TMEM45A: variants seen among roughly 807,000 people sequenced by gnomAD.
TMEM45A encodes the protein transmembrane protein 45A.
In TMEM45A, 25 loss-of-function variants were observed where a neutral mutation model predicts 32.0. The observed-to-expected ratio is 0.78, with a 90% CI of 0.57 to 1.09. TMEM45A has a LOEUF of 1.09. TMEM45A is among the 50% of genes least tolerant of loss of function. The pLI, the probability that TMEM45A is intolerant of heterozygous loss-of-function variation, is 0.00. For synonymous variants in TMEM45A, 122 were observed against 114.8 expected, an observed-to-expected ratio of 1.06 and a Z score of -0.40; for missense variants, 302 against 325.0, an observed-to-expected ratio of 0.93 and a Z score of 0.54.
At chr3:100,549,815 G>T (rs531288812) in intron 1 of TMEM45A, among the ~76,000 whole-genome samples, 1 of 151,660 alleles carries the variant, frequency 6.6e-6, no homozygotes, top group Non-Finnish European at 1.5e-5. Flanking sequence ...GAGAATATGC[G>T]GTGTTTGGTT....
chr3:100,535,614 T>G (rs1407307766), intron 1 of TMEM45A, among the ~76,000 whole-genome samples: 18 of 152,230 alleles, frequency 1.2e-4, no homozygotes, highest in Admixed American at 1.2e-3. Context: ...AGGGGAGATA[T>G]TCTAGACCTT....
intron 1 of TMEM45A, among the ~76,000 whole-genome samples, chr3:100,538,460 T>C (rs1260912002): frequency 6.6e-6 from 1 of 152,230 alleles, no homozygotes; most frequent in Non-Finnish European, 1.5e-5. Context: ...CATCATACTT[T>C]AGTGGTGAGA....
intron 1 of TMEM45A, among the ~76,000 whole-genome samples, chr3:100,495,554 G>C (rs1707912903): frequency 6.6e-6 from 1 of 152,188 alleles, no homozygotes; most frequent in African/African-American, 2.4e-5. Context: ...TTGGGAGGTA[G>C]ATTGGTGGGG....
In TMEM45A at chr3:100,565,126, G is replaced by A. The variant is rs150057132; in HGVS notation, c.589-3696G>A. Among the ~76,000 whole-genome samples the A allele has an allele frequency of 3.5e-3, 534 of 152,302 alleles. 5 individuals carry two copies. The highest frequency in any genetic ancestry group is 5.3e-3 in the Non-Finnish European group (361 of 68,026). ...GTTCAGCCATTTTGTAATACTAGGGGAAGTTGTTGAAGTCCTTGAGTTCCA... is the reference window on the plus strand; with the variant it reads ...GTTCAGCCATTTTGTAATACTAGGGAAAGTTGTTGAAGTCCTTGAGTTCCA... On this transcript the variant is annotated intron_variant, in intron 4 of 5. Coordinates refer to ENST00000323523, the MANE Select transcript of TMEM45A (RefSeq NM_018004.3).
intron 4 of TMEM45A, among the ~76,000 whole-genome samples, chr3:100,562,358 C>T (rs1208179770): frequency 2.0e-5 from 3 of 152,008 alleles, no homozygotes; most frequent in East Asian, 1.9e-4. Flanking sequence ...CTAATTTATT[C>T]GTGTTTGGCC....
Position 100,525,044 on chromosome 3 carries a change from C to T in TMEM45A, c.-3-30165C>T, listed in dbSNP as rs569090256. On this transcript the variant is annotated intron_variant, in intron 1 of 5. Transcript: ENST00000323523. ...TCTTTAAAAAAATAAAAAAATTAGC[C>T]GGGTGTGGCAATGTGTGCCTGTAGT... is the stretch of plus-strand genomic sequence containing the variant. Among the ~76,000 whole-genome samples, 6 of 151,796 alleles carry T rather than the reference C, an allele frequency of 4.0e-5. No homozygotes were observed. The East Asian group carries it at 7.7e-4, about 20-fold the overall frequency.
intron 1 of TMEM45A, among the ~76,000 whole-genome samples, chr3:100,549,139 C>T (rs760719178): frequency 6.6e-6 from 1 of 151,878 alleles, no homozygotes; most frequent in Non-Finnish European, 1.5e-5. Context: ...ACCAGCTACT[C>T]AGGAGGCTGA....
Position 100,576,988 on chromosome 3 carries a change from A to G in TMEM45A, c.798A>G (p.Glu266=), listed in dbSNP as rs780475077. 1.9e-6 allele frequency: 3 copies of G among 1,613,568 alleles called. No individual in the cohort carries two copies. Among genetic ancestry groups the G allele is most frequent in the Non-Finnish European group, 2.5e-6 (3 of 1,179,898 alleles). The change falls in exon 6 of 6, where the codon GAA becomes GAG. Residue 266 remains glutamate (E), a synonymous_variant. Transcript: ENST00000323523. ...AAGTTGGACTTCTGAAAAATGCTGA[A>G]CGAGAACAAGAATCAGAAGAAGAAA... ...SSEVGLLKNA[E]REQESEEEM is the part of the protein sequence containing the mutation.
chr3:100,574,369 C>T (rs145866309), intron 5 of TMEM45A: 2 of 152,322 alleles, frequency 1.3e-5, no homozygotes, highest in East Asian at 3.9e-4. Context: ...GTACTATAAA[C>T]ACCTGTATGC....
chr3:100,509,521 A>T (rs929558937), intron 1 of TMEM45A, among the ~76,000 whole-genome samples: 1 of 152,226 alleles, frequency 6.6e-6, no homozygotes, highest in Non-Finnish European at 1.5e-5. Flanking sequence ...TAGCCAAGGT[A>T]TGGAATCAAC....
At chr3:100,568,004 C>G (rs570492290) in intron 4 of TMEM45A, among the ~76,000 whole-genome samples, 1 of 152,146 alleles carries the variant, frequency 6.6e-6, no homozygotes, top group Non-Finnish European at 1.5e-5. Flanking sequence ...CCAGGATGGT[C>G]TCGATCTCCT....
intron 1 of TMEM45A, among the ~76,000 whole-genome samples, chr3:100,509,735 C>G (rs942012354): frequency 3.9e-5 from 6 of 152,118 alleles, no homozygotes; most frequent in Non-Finnish European, 7.3e-5. Flanking sequence ...GAGTGCCAGA[C>G]AGTGGGTGCA....
At chr3:100,533,746 G>A (rs1705692458) in intron 1 of TMEM45A, among the ~76,000 whole-genome samples, 2 of 152,168 alleles carry the variant, frequency 1.3e-5, no homozygotes, top group South Asian at 4.2e-4. Context: ...CCTATGACAT[G>A]AGGCAGTGCC....
intron 2 of TMEM45A, 43 bp downstream of exon 2, chr3:100,555,444 T>C: frequency 6.6e-7 from 1 of 1,522,790 alleles, no homozygotes; most frequent in Non-Finnish European, 8.9e-7. Context: ...TTTTAGGTGT[T>C]TTCATTCTTT....
At chr3:100,572,440 T>A (rs1194756111) in intron 5 of TMEM45A, 1 of 152,066 alleles carries the variant, frequency 6.6e-6, no homozygotes, top group Non-Finnish European at 1.5e-5. Context: ...CACTTTTTGA[T>A]GGGGTTGTTT....
chr3:100,537,137 G>A (rs769242582), intron 1 of TMEM45A, among the ~76,000 whole-genome samples: 63 of 152,048 alleles, frequency 4.1e-4, no homozygotes, highest in Non-Finnish European at 6.9e-4. Flanking sequence ...TGGCTAGGTT[G>A]GTCTCAAACT....
chr3:100,510,990 C>T (rs1450071986), intron 1 of TMEM45A, among the ~76,000 whole-genome samples: 5 of 152,116 alleles, frequency 3.3e-5, no homozygotes, highest in Admixed American at 3.3e-4. Context: ...ACCAAATCTA[C>T]GTCTGATTGG....
intron 5 of TMEM45A, among the ~76,000 whole-genome samples, chr3:100,569,452 C>T (rs1353394378): frequency 1.3e-5 from 2 of 152,128 alleles, no homozygotes; most frequent in Non-Finnish European, 2.9e-5. Context: ...CAGTTGAATA[C>T]ATTTTTTATA....
intron 5 of TMEM45A, chr3:100,570,685 C>T (rs1194883679): frequency 2.0e-5 from 3 of 152,326 alleles, no homozygotes; most frequent in African/African-American, 7.2e-5. Flanking sequence ...AAATGCTCTT[C>T]CTCATGTCAG....
Sources: allele counts gnomAD v4.1 joint callset (sites outside exome capture counted in the v4.1 genomes callset), GRCh38; gene constraint gnomAD v4.1.1; transcripts MANE v1.5; gene names NCBI Gene and HGNC (gene_info 2026-07-23, HGNC 2026-07-21).